SNX31: variants seen among roughly 807,000 people sequenced by gnomAD.
SNX31 encodes the protein sorting nexin 31.
SNX31 carries 58 observed loss-of-function variants against 65.4 expected under a neutral mutation model. The observed-to-expected ratio is 0.89, with a 90% CI of 0.72 to 1.10. The LOEUF is 1.10. SNX31 is among the 50% of genes least tolerant of loss of function. SNX31 has a pLI of 0.00. For missense variants in SNX31, 523 were observed against 529.7 expected, an observed-to-expected ratio of 0.99 and a Z score of 0.12; for synonymous variants, 181 against 190.1, an observed-to-expected ratio of 0.95 and a Z score of 0.39.
intron 4 of SNX31, 99 bp from the exon 5 acceptor site, chr8:100,617,829 A>G: frequency 1.1e-6 from 1 of 924,508 alleles, no homozygotes; most frequent in Non-Finnish European, 1.6e-6. Context: ...CAATGGCGTG[A>G]TCTTGGCTCA....
chr8:100,645,203 T>C (rs78488909), intron 2 of SNX31, among the ~76,000 whole-genome samples: 186 of 152,362 alleles, frequency 1.2e-3, no homozygotes, highest in South Asian at 5.6e-3. Context: ...GTTAATTATA[T>C]AGAAGAAAAC....
rs762500621 is a variant in SNX31, at chr8:100,636,010, A to G, written c.143T>C (p.Leu48Pro). 4 of 1,612,720 alleles carry G rather than the reference A, an allele frequency of 2.5e-6. No homozygotes were observed. Among genetic ancestry groups the G allele is most frequent in the Non-Finnish European group, 3.4e-6 (4 of 1,178,736 alleles). Residue 48 changes from leucine to proline, a missense_variant and splice_region_variant, in exon 3 of 14, where the codon CTA becomes CCA. By Grantham distance (98) the Leu-to-Pro change is moderately conservative. Transcript: ENST00000311812. ...YSQLHGWNEQLRRVFGNCLPP... is the reference protein window; with the variant it reads ...YSQLHGWNEQPRRVFGNCLPP... ...CAGGCAATTTCCAAAGACCCGCCTT[A>G]GCTGAAAGATCCAGGAAACACAGTT...
At position 100,649,364 on chromosome 8, in the gene SNX31, C is replaced by T. The variant is rs763270871; in HGVS notation, c.67-16G>A. 13 of 1,613,398 alleles carry T rather than the reference C, an allele frequency of 8.1e-6. No homozygotes were observed. The South Asian group carries it at 1.4e-4, about 18-fold the overall frequency. ...CGGAGTACAGCTGCAAACACACAGACACCCCGTCCCTGGTGAGCCGAGGGA... is the reference window on the plus strand; with the variant it reads ...CGGAGTACAGCTGCAAACACACAGATACCCCGTCCCTGGTGAGCCGAGGGA... On this transcript the variant is annotated splice_polypyrimidine_tract_variant and intron_variant, in intron 1 of 13. Coordinates refer to ENST00000311812, the MANE Select transcript of SNX31 (RefSeq NM_152628.4).
Position 100,649,297 on chromosome 8 carries a change from GGCTGTA to G in SNX31, c.112_117del (p.Tyr38_Ser39del). The G allele has an allele frequency of 1.2e-6, 2 of 1,614,072 alleles. No individual in the cohort carries two copies. Among genetic ancestry groups the G allele is most frequent in the Non-Finnish European group, 1.7e-6 (2 of 1,179,932 alleles). On this transcript the variant is annotated inframe_deletion, in exon 2 of 14. Coordinates refer to ENST00000311812, the MANE Select transcript of SNX31 (RefSeq NM_152628.4). ...ACCTGTTCGTTCCAACCGTGCAGCTGGCTGTAGCGCACCCTGCAGAAGAGGAACCCG... is the reference window on the plus strand; with the variant it reads ...ACCTGTTCGTTCCAACCGTGCAGCTGGCGCACCCTGCAGAAGAGGAACCCG...
intron 2 of SNX31, among the ~76,000 whole-genome samples, chr8:100,641,709 C>A (rs1241219231): frequency 9.5e-6 from 1 of 105,228 alleles, no homozygotes; most frequent in Non-Finnish European, 1.8e-5. Flanking sequence ...TCATCTAAAC[C>A]TAGTATAATT....
rs187717784 is a variant in SNX31 at position 100,642,917 on chromosome 8, G to A, written c.141+6357C>T. 3.0e-3 allele frequency among the ~76,000 whole-genome samples: 454 copies of A among 152,270 alleles called. 1 individual carries two copies. The highest frequency in any genetic ancestry group is 8.7e-3 in the African/African-American group (360 of 41,550). ...TCATAAACCCCAGAACAGGGCGGGC[G>A]TGATGGCTCATGCCTGTAATCCTAG... On this transcript the variant is annotated intron_variant, in intron 2 of 13. Coordinates refer to ENST00000311812, the MANE Select transcript of SNX31 (RefSeq NM_152628.4).
rs7462376 is a variant in SNX31 at position 100,628,398 on chromosome 8, T to C, written c.321+1929A>G. ...AATGTGGCACATATATACCATGGAA[T>C]ACTATGCAGCCATAAAAAATGATGA... On this transcript the variant is annotated intron_variant, in intron 4 of 13. Coordinates refer to ENST00000311812, the MANE Select transcript of SNX31 (RefSeq NM_152628.4). Among the ~76,000 whole-genome samples the C allele has an allele frequency of 7.1e-3, 1,087 of 152,248 alleles. 18 individuals carry two copies. Among genetic ancestry groups the C allele is most frequent in the African/African-American group, 0.025 (1,046 of 41,538 alleles).
At chr8:100,617,767 C>CTTTT in intron 4 of SNX31, 37 bp from the exon 5 acceptor site, 12 of 1,285,454 alleles carry the variant, frequency 9.3e-6, no homozygotes, top group South Asian at 2.7e-5. Context: ...ATTTCCACAC[C>CTTTT]TTTTTTTTTT....
chr8:100,591,372 G>C (rs1336325103), intron 10 of SNX31, among the ~76,000 whole-genome samples: 1 of 151,732 alleles, frequency 6.6e-6, no homozygotes, highest in Non-Finnish European at 1.5e-5. Flanking sequence ...GCCTGTAGTC[G>C]TAGCTACTCG....
At chr8:100,583,248 A>G (rs1813716737) in intron 12 of SNX31, among the ~76,000 whole-genome samples, 1 of 151,648 alleles carries the variant, frequency 6.6e-6, no homozygotes, top group Non-Finnish European at 1.5e-5. Context: ...CTGGGACTAC[A>G]GGTACCCACC....
At chr8:100,603,104 T>C (rs920369528) in intron 8 of SNX31, among the ~76,000 whole-genome samples, 30 of 152,154 alleles carry the variant, frequency 2.0e-4, no homozygotes, top group African/African-American at 7.0e-4. Context: ...AGCCACTGAA[T>C]TCTTACCAGG....
At position 100,584,188 on chromosome 8, in the gene SNX31, C is replaced by T; in HGVS notation, c.1093G>A (p.Ala365Thr). The change falls in exon 12 of 14, where the codon GCT becomes ACT. Residue 365 changes from alanine to threonine, a missense_variant and splice_region_variant. By Grantham distance (58) the Ala-to-Thr change is moderately conservative. Coordinates refer to ENST00000311812, the MANE Select transcript of SNX31 (RefSeq NM_152628.4). ...WQWFVIYTKQ[A>T]FLLSSCLKKM... Reference sequence around the variant, plus strand: ...TTCAAGCAGCTACTCAGCAAAAAAGCCTAAGAAATGCAGGAATAAAGAACT... The same window carrying T: ...TTCAAGCAGCTACTCAGCAAAAAAGTCTAAGAAATGCAGGAATAAAGAACT... The T allele has an allele frequency of 6.3e-7, 1 of 1,592,712 alleles. No homozygotes were observed. The highest frequency in any genetic ancestry group is 8.5e-7 in the Non-Finnish European group (1 of 1,171,848).
intron 11 of SNX31, among the ~76,000 whole-genome samples, chr8:100,586,708 A>G (rs945539053): frequency 6.6e-6 from 1 of 152,212 alleles, no homozygotes; most frequent in African/African-American, 2.4e-5. Flanking sequence ...TTAGTACTTC[A>G]TGTTTTCAGA....
In SNX31 at chr8:100,575,694, A is replaced by C. The variant is rs1314619307; in HGVS notation, c.1227+1325T>G. Among the ~76,000 whole-genome samples the C allele has an allele frequency of 6.6e-6, 1 of 152,214 alleles. No homozygotes were observed. The highest frequency in any genetic ancestry group is 1.5e-5 in the Non-Finnish European group (1 of 68,038). On this transcript the variant is annotated intron_variant, in intron 13 of 13. Transcript: ENST00000311812. This position sits in a 1 kb window ranked among gnomAD's most constrained non-coding sequence, Gnocchi z 5.1. ...GGCCTGAGAATTTGAATTTCTAATA[A>C]GATCCACGTGATACAGATGCTGTTG... is the stretch of plus-strand genomic sequence containing the variant.
At chr8:100,635,523 G>T (rs1264877570) in intron 3 of SNX31, among the ~76,000 whole-genome samples, 1 of 148,810 alleles carries the variant, frequency 6.7e-6, no homozygotes. Context: ...TTACAGGTGT[G>T]AGCCACCATG....
intron 2 of SNX31, among the ~76,000 whole-genome samples, chr8:100,638,875 T>C (rs1306381905): frequency 6.6e-6 from 1 of 152,034 alleles, no homozygotes; most frequent in Non-Finnish European, 1.5e-5. Context: ...AGAAATAAAA[T>C]GAAATAAGAT....
rs1220752810 is a variant in SNX31 at position 100,641,564 on chromosome 8, AAATATATATATAT to A, written c.142-5566_142-5554del. Among the ~76,000 whole-genome samples, 177 of 26,796 alleles carry A rather than the reference AAATATATATATAT, an allele frequency of 6.6e-3. 1 individual carries two copies. The highest frequency in any genetic ancestry group is 0.048 in the African/African-American group (166 of 3,428). 17.6% of individuals were successfully genotyped at this position (26,796 alleles called of 152,430 possible). A position where few individuals can be genotyped will look rare whatever the true frequency, so the allele number is the denominator to read the frequency against. Reference sequence around the variant, plus strand: ...TTGTCTCAAAAAAAAAAAAAAAAAAAAATATATATATATATATATATATATATATATACACATA... The same window carrying A: ...TTGTCTCAAAAAAAAAAAAAAAAAAAATATATATATATATATATACACATA... On this transcript the variant is annotated intron_variant, in intron 2 of 13. Coordinates refer to ENST00000311812, the MANE Select transcript of SNX31 (RefSeq NM_152628.4).
At chr8:100,633,541 T>C (rs1818551314) in intron 3 of SNX31, among the ~76,000 whole-genome samples, 1 of 151,852 alleles carries the variant, frequency 6.6e-6, no homozygotes, top group African/African-American at 2.4e-5. Context: ...TTTGCTGCGA[T>C]TGCAGGCACG....
intron 8 of SNX31, among the ~76,000 whole-genome samples, chr8:100,602,955 G>A (rs906127688): frequency 7.2e-5 from 11 of 152,152 alleles, no homozygotes; most frequent in Admixed American, 6.5e-4. Flanking sequence ...CTGTGGGGAG[G>A]AACAATACCA....
Sources: allele counts gnomAD v4.1 joint callset (sites outside exome capture counted in the v4.1 genomes callset), GRCh38; gene constraint gnomAD v4.1.1; non-coding constraint Gnocchi (gnomAD v3.1); transcripts MANE v1.5; gene names NCBI Gene and HGNC (gene_info 2026-07-23, HGNC 2026-07-21).